The following NALCN variants were observed in gnomAD, a reference collection of about 807,000 sequenced individuals.
NALCN encodes sodium leak channel, non-selective, also known as sodium leak channel NALCN.
A neutral mutation model predicts 225.3 loss-of-function variants in NALCN; 111 were observed. The ratio of observed to expected loss-of-function variants is 0.49; its 90% CI spans 0.42 to 0.58. The LOEUF is 0.58. Ranked by LOEUF, NALCN falls within the 20% of genes least tolerant of loss-of-function variation. NALCN has a pLI of 0.00. For synonymous variants in NALCN, 764 were observed against 769.0 expected (o/e 0.99, Z 0.11); for missense variants, 1,378 against 2,202.4 (o/e 0.63, Z 7.49).
intron 15 of NALCN, among the ~76,000 whole-genome samples, chr13:101,151,518 T>C (rs1326133814): frequency 2.0e-5 from 3 of 152,200 alleles, no homozygotes; most frequent in South Asian, 2.1e-4. Flanking sequence ...GATGTAACTG[T>C]AGAATATTTT....
intron 1 of NALCN, among the ~76,000 whole-genome samples, chr13:101,415,625 G>A (rs1436076335): frequency 6.6e-6 from 1 of 152,226 alleles, no homozygotes; most frequent in African/African-American, 2.4e-5. Context: ...AAGATTCAGT[G>A]ACAAAATGGT....
intron 40 of NALCN, among the ~76,000 whole-genome samples, chr13:101,063,649 G>A (rs569155335): frequency 2.0e-5 from 3 of 152,220 alleles, no homozygotes; most frequent in East Asian, 1.9e-4. Flanking sequence ...GCTTGTTGGT[G>A]GAAGAACTGG....
chr13:101,340,136 T>C (rs151113605), intron 7 of NALCN, among the ~76,000 whole-genome samples: 3,086 of 151,954 alleles, frequency 0.02, 112 homozygotes, highest in African/African-American at 0.071. Flanking sequence ...GGCATGGTGA[T>C]GGGCGCCTGT....
intron 30 of NALCN, among the ~76,000 whole-genome samples, chr13:101,087,827 G>A (rs1166361514): frequency 6.6e-6 from 1 of 152,164 alleles, no homozygotes; most frequent in Admixed American, 6.5e-5. Flanking sequence ...GTATGTTGCT[G>A]AATTGTGAGC....
chr13:101,074,795 C>A, intron 35 of NALCN, 133 bp from the exon 36 acceptor site: 1 of 1,046,166 alleles, frequency 9.6e-7, no homozygotes, highest in African/African-American at 1.6e-5. Flanking sequence ...AATCTTTAAG[C>A]AGATTGGCTC....
At position 101,376,729 on chromosome 13, in the gene NALCN, A is replaced by G. The variant is rs2046702956; in HGVS notation, c.615T>C (p.Tyr205=). The stretch of plus-strand genomic sequence containing the variant: ...GCTTTGTGTCATTTACAACACAGTG[A>G]TAAGTAAATGTTCCAAACATCTGAA... ...LGVQMFGTFT[Y]HCVVNDTKPG... The change falls in exon 6 of 44, where the codon TAT becomes TAC. Residue 205 remains tyrosine (Y), a synonymous_variant. Transcript: ENST00000251127. 1.2e-6 allele frequency: 2 copies of G among 1,609,756 alleles called. No homozygotes were observed. Among genetic ancestry groups the G allele is most frequent in the Non-Finnish European group, 1.7e-6 (2 of 1,179,028 alleles).
chr13:101,104,771 A>G lies in NALCN; in HGVS notation c.2637-121T>C. On this transcript the variant is annotated intron_variant, in intron 23 of 43. Coordinates refer to ENST00000251127, the MANE Select transcript of NALCN (RefSeq NM_052867.4). This position sits in a 1 kb window ranked among gnomAD's most constrained non-coding sequence, Gnocchi z 4.2. ...TGGTATTTTAAAAACATCATTCCCC[A>G]ATCATCTATTTCATAGCACTATATA... is the stretch of plus-strand genomic sequence containing the variant. The G allele has an allele frequency of 6.5e-7, 1 of 1,550,048 alleles. No homozygotes were observed. Among genetic ancestry groups the G allele is most frequent in the South Asian group, 1.2e-5 (1 of 86,344 alleles).
intron 3 of NALCN, among the ~76,000 whole-genome samples, chr13:101,379,828 A>G (rs1390997721): frequency 6.6e-6 from 1 of 152,124 alleles, no homozygotes. Context: ...AAAACTGCAC[A>G]TTCTGCAAAT....
At position 101,356,456 on chromosome 13, in the gene NALCN, AT is replaced by A. The variant is rs2046064086; in HGVS notation, c.645-11037del. ...AAACTAGAAAATCTAGAAGAAATGGATAAATTCTTGGACACACGCACCCTCC... is the reference window on the plus strand; with the variant it reads ...AAACTAGAAAATCTAGAAGAAATGGAAAATTCTTGGACACACGCACCCTCC... On this transcript the variant is annotated intron_variant, in intron 6 of 43. Coordinates refer to ENST00000251127, the MANE Select transcript of NALCN (RefSeq NM_052867.4). Among the ~76,000 whole-genome samples the A allele has an allele frequency of 2.0e-5, 3 of 152,226 alleles. No individual in the cohort carries two copies. In the South Asian group the frequency reaches 6.2e-4, roughly 31 times the overall value.
At chr13:101,256,953 T>C (rs1298762044) in intron 11 of NALCN, among the ~76,000 whole-genome samples, 4 of 151,970 alleles carry the variant, frequency 2.6e-5, no homozygotes, top group Admixed American at 1.3e-4. Flanking sequence ...TTAGTATAGA[T>C]GGGGTTTCAC....
chr13:101,106,176 A>G (rs2035087640), intron 22 of NALCN, among the ~76,000 whole-genome samples: 1 of 152,060 alleles, frequency 6.6e-6, no homozygotes, highest in African/African-American at 2.4e-5. Flanking sequence ...TTCTCTCTGT[A>G]TATGTCTGTG....
At chr13:101,101,086 T>C (rs1393115479) in intron 26 of NALCN, among the ~76,000 whole-genome samples, 198 bp from the exon 27 acceptor site, 3 of 152,102 alleles carry the variant, frequency 2.0e-5, no homozygotes, top group Non-Finnish European at 4.4e-5. Flanking sequence ...TAACAAGCTT[T>C]GAATTTTTTA....
chr13:101,060,268 G>GTTTTTTTTT (rs1448927684), intron 41 of NALCN, among the ~76,000 whole-genome samples: 1 of 68,384 alleles, frequency 1.5e-5, no homozygotes, highest in South Asian at 5.7e-4. Context: ...TGTTGTTGGT[G>GTTTTTTTTT]TTTTCTGTTT....
intron 7 of NALCN, among the ~76,000 whole-genome samples, chr13:101,324,703 C>T (rs940387521): frequency 6.6e-6 from 1 of 152,180 alleles, no homozygotes; most frequent in Non-Finnish European, 1.5e-5. Context: ...TCTAGATATA[C>T]AATCATGTCA....
chr13:101,269,233 TATATATA>T (rs1566509162), intron 10 of NALCN, among the ~76,000 whole-genome samples: 39 of 150,450 alleles, frequency 2.6e-4, no homozygotes, highest in East Asian at 1.4e-3. Context: ...TATATATATA[TATATATA>T]TTTTAGCCTG....
At chr13:101,314,736 C>T (rs1051351165) in intron 7 of NALCN, among the ~76,000 whole-genome samples, 1 of 152,138 alleles carries the variant, frequency 6.6e-6, no homozygotes, top group Non-Finnish European at 1.5e-5. Flanking sequence ...TGTCAAAGAT[C>T]CTCCCACTAA....
chr13:101,254,411 A>C (rs2042156313), intron 11 of NALCN, among the ~76,000 whole-genome samples: 2 of 151,510 alleles, frequency 1.3e-5, no homozygotes, highest in South Asian at 4.2e-4. Flanking sequence ...AAACAACAAC[A>C]AAAAAACCCC....
intron 15 of NALCN, 50 bp downstream of exon 15, chr13:101,176,249 TG>T: frequency 7.3e-7 from 1 of 1,374,180 alleles, no homozygotes; most frequent in Non-Finnish European, 9.7e-7. Context: ...GCAAATGGTT[TG>T]CCCCTGGTTT....
intron 15 of NALCN, among the ~76,000 whole-genome samples, chr13:101,175,009 A>G (rs1050692541): frequency 3.3e-5 from 5 of 152,184 alleles, no homozygotes; most frequent in Non-Finnish European, 5.9e-5. Context: ...CACCTATTAG[A>G]TATTTTTTTC....
Sources: allele counts gnomAD v4.1 joint callset (sites outside exome capture counted in the v4.1 genomes callset), GRCh38; gene constraint gnomAD v4.1.1; non-coding constraint Gnocchi (gnomAD v3.1); transcripts MANE v1.5; gene names NCBI Gene and HGNC (gene_info 2026-07-23, HGNC 2026-07-21).